Variants in OR2B2 observed in about 807,000 individuals in gnomAD.
OR2B2 encodes olfactory receptor family 2 subfamily B member 2.
For synonymous variants in OR2B2, 137 were observed against 150.9 expected (o/e 0.91, Z 0.67); for missense variants, 362 against 422.4 (o/e 0.86, Z 1.25).
rs768249223 is a variant in OR2B2 at position 27,911,911 on chromosome 6, G to A, written c.409C>T (p.His137Tyr). The A allele has an allele frequency of 1.2e-6, 2 of 1,614,160 alleles. No homozygotes were observed. Among genetic ancestry groups the A allele is most frequent in the Non-Finnish European group, 1.7e-6 (2 of 1,180,020 alleles). Residue 137 changes from histidine to tyrosine, a missense_variant, in exon 1 of 1, where the codon CAC (histidine) becomes TAC (tyrosine). Physicochemically the swap from His to Tyr is moderately conservative, Grantham distance 83. Transcript: ENST00000303324. ...CRPLHYSIIM[H>Y]QRLCFQLAAA... is the part of the protein sequence containing the mutation. ...GCCAACTGGAAGCAGAGCCTCTGGT[G>A]CATGATAATTGAGTAATGGAGAGGC...
Position 27,912,127 on chromosome 6 carries a change from T to G in OR2B2, c.193A>C (p.Asn65His), listed in dbSNP as rs781644838. 2.5e-6 allele frequency: 4 copies of G among 1,613,974 alleles called. No homozygotes were observed. Among genetic ancestry groups the G allele is most frequent in the Admixed American group, 1.7e-5 (1 of 59,978 alleles). Residue 65 changes from asparagine (N) to histidine (H), a missense_variant, in exon 1 of 1, where the codon AAT becomes CAT. Asn to His is a moderately conservative substitution (Grantham distance 68, BLOSUM62 1). Coordinates refer to ENST00000303324, the MANE Select transcript of OR2B2 (RefSeq NM_033057.2). ...LHTPMYFFLS[N>H]LSLLDLCYTT... Reference sequence around the variant, plus strand: ...TAGCAAAGGTCCAGGAGTGAGAGATTGCTAAGAAAAAAGTACATAGGGGTG... The same window carrying G: ...TAGCAAAGGTCCAGGAGTGAGAGATGGCTAAGAAAAAAGTACATAGGGGTG...
chr6:27,911,527 G>T lies in OR2B2; in HGVS notation c.793C>A (p.Pro265Thr). The T allele has an allele frequency of 6.2e-7, 1 of 1,614,130 alleles. No homozygotes were observed. Among genetic ancestry groups the T allele is most frequent in the Non-Finnish European group, 8.5e-7 (1 of 1,180,022 alleles). ...ATCTTTCCCCGGTCTTTGGAGCTGG[G>T]TGAAGGTGGTTGCAGGTACATGGAG... ...AISMYLQPPSPSSKDRGKMVS... is the reference protein window; with the variant it reads ...AISMYLQPPSTSSKDRGKMVS... Residue 265 changes from proline to threonine, a missense_variant, in exon 1 of 1, where the codon CCC becomes ACC. Pro to Thr is a conservative substitution (Grantham distance 38). Coordinates refer to ENST00000303324, the MANE Select transcript of OR2B2 (RefSeq NM_033057.2).
At position 27,911,964 on chromosome 6, in the gene OR2B2, C is replaced by G. The variant is rs777658642; in HGVS notation, c.356G>C (p.Cys119Ser). The change falls in exon 1 of 1, where the codon TGC (cysteine) becomes TCC (serine). Residue 119 changes from cysteine to serine, a missense_variant. Coordinates refer to ENST00000303324, the MANE Select transcript of OR2B2 (RefSeq NM_033057.2). ...STECLLLAVMCFDRFVAICRP... is the reference protein window; with the variant it reads ...STECLLLAVMSFDRFVAICRP... ...ACAAATAGCTACAAACCTATCAAAG[C>G]ACATGACGGCCAGGAGAAGACATTC... is the stretch of plus-strand genomic sequence containing the variant. 2 of 1,614,076 alleles carry G rather than the reference C, an allele frequency of 1.2e-6. No individual in the cohort carries two copies. Among genetic ancestry groups the G allele is most frequent in the Admixed American group, 3.3e-5 (2 of 60,000 alleles).
At position 27,912,250 on chromosome 6, in the gene OR2B2, C is replaced by G. The variant is rs1236325147; in HGVS notation, c.70G>C (p.Glu24Gln). 6.2e-7 allele frequency: 1 copy of G among 1,614,054 alleles called. No individual in the cohort carries two copies. The highest frequency in any genetic ancestry group is 1.1e-5 in the South Asian group (1 of 91,072). ...AGAAACATCACAAAGGGTGGAATCT[C>G]TAGCCATGGTTGATCTGAGAAAACT... ...LLVFSDQPWL[E>Q]IPPFVMFLFS... is the part of the protein sequence containing the mutation. Residue 24 changes from glutamate to glutamine, a missense_variant, in exon 1 of 1, where the codon GAG becomes CAG. By Grantham distance (29) the Glu-to-Gln change is conservative (BLOSUM62 2). Coordinates refer to ENST00000303324, the MANE Select transcript of OR2B2 (RefSeq NM_033057.2).
Position 27,911,600 on chromosome 6 carries a change from T to C in OR2B2, c.720A>G (p.Thr240=). 1.2e-6 allele frequency: 2 copies of C among 1,614,198 alleles called. No individual in the cohort carries two copies. The highest frequency in any genetic ancestry group is 1.7e-6 in the Non-Finnish European group (2 of 1,180,038). ...ACACCACAATTAGATGGGAGCCACATGTCCCAAATGCCTTTCGTTGACCTT... is the reference window on the plus strand; with the variant it reads ...ACACCACAATTAGATGGGAGCCACACGTCCCAAATGCCTTTCGTTGACCTT... The part of the protein sequence containing the change: ...SAEGQRKAFG[T]CGSHLIVVSL... The change falls in exon 1 of 1, where the codon ACA becomes ACG. Residue 240 remains threonine (T), a synonymous_variant. Coordinates refer to ENST00000303324, the MANE Select transcript of OR2B2 (RefSeq NM_033057.2).
chr6:27,911,616 C>T lies in OR2B2; in HGVS notation c.704G>A (p.Arg235Gln), dbSNP rs371031773. 8.7e-6 allele frequency: 14 copies of T among 1,614,028 alleles called. No individual in the cohort carries two copies. Among genetic ancestry groups the T allele is most frequent in the East Asian group, 4.5e-5 (2 of 44,898 alleles). The change falls in exon 1 of 1, where the codon CGA (arginine) becomes CAA (glutamine). Residue 235 changes from arginine to glutamine, a missense_variant. Physicochemically the swap from Arg to Gln is conservative, Grantham distance 43 (BLOSUM62 1). Transcript: ENST00000303324. ...GGAGCCACATGTCCCAAATGCCTTTCGTTGACCTTCAGCAGACTGGATTCT... is the reference window on the plus strand; with the variant it reads ...GGAGCCACATGTCCCAAATGCCTTTTGTTGACCTTCAGCAGACTGGATTCT... ...VLRIQSAEGQ[R>Q]KAFGTCGSHL...
chr6:27,912,156 A>T lies in OR2B2; in HGVS notation c.164T>A (p.Leu55His). The change falls in exon 1 of 1, where the codon CTC becomes CAC. Residue 55 changes from leucine to histidine, a missense_variant. Leu to His is a moderately conservative substitution (Grantham distance 99). Transcript: ENST00000303324. ...IILVSHVDFKLHTPMYFFLSN... is the reference protein window; with the variant it reads ...IILVSHVDFKHHTPMYFFLSN... ...AAGAAAAAAGTACATAGGGGTGTGG[A>T]GTTTGAAATCCACATGTGACACAAG... 2 of 1,614,240 alleles carry T rather than the reference A, an allele frequency of 1.2e-6. No homozygotes were observed. The highest frequency in any genetic ancestry group is 1.7e-6 in the Non-Finnish European group (2 of 1,180,052).
Position 27,912,288 on chromosome 6 carries a change from T to A in OR2B2, c.32A>T (p.Glu11Val), listed in dbSNP as rs1358605178. The change falls in exon 1 of 1, where the codon GAG becomes GTG. Residue 11 changes from glutamate to valine, a missense_variant. Coordinates refer to ENST00000303324, the MANE Select transcript of OR2B2 (RefSeq NM_033057.2). MNWVNKSVPQ[E>V]FILLVFSDQP... ...ATCTGAGAAAACTAACAGAATGAAC[T>A]CCTGTGGGACACTCTTATTTACCCA... The A allele has an allele frequency of 1.2e-6, 2 of 1,610,698 alleles. No individual in the cohort carries two copies. Among genetic ancestry groups the A allele is most frequent in the South Asian group, 2.2e-5 (2 of 90,574 alleles).
In OR2B2 at chr6:27,912,351, T is replaced by TGG; in HGVS notation, c.-33_-32insCC. 7.3e-7 allele frequency: 1 copy of TGG among 1,372,252 alleles called. No individual in the cohort carries two copies. The allele number at this position is 1,372,252 out of a possible 1,614,324, so 85.0% of individuals were successfully genotyped here. ...TGGTTCAACTCTTCGTTCTCTGAAA[T>TGG]ATAAGAAGTCAGGAAGTTAACAACA... On this transcript the variant is annotated 5_prime_UTR_variant, in exon 1 of 1. Transcript: ENST00000303324.
In OR2B2 at chr6:27,912,063, C is replaced by A. The variant is rs760680555; in HGVS notation, c.257G>T (p.Cys86Phe). The change falls in exon 1 of 1, where the codon TGC becomes TTC. Residue 86 changes from cysteine (C) to phenylalanine (F), a missense_variant. Physicochemically the swap from Cys to Phe is radical, Grantham distance 205. Coordinates refer to ENST00000303324, the MANE Select transcript of OR2B2 (RefSeq NM_033057.2). The part of the protein sequence containing the change: ...STVPQMLVNI[C>F]NTRKVISYGG... ...ATAACTGATTACTTTCCTGGTGTTG[C>A]ATATGTTTACCAGCATTTGTGGAAC... The A allele has an allele frequency of 1.4e-5, 22 of 1,614,060 alleles. No individual in the cohort carries two copies. The highest frequency in any genetic ancestry group is 1.9e-5 in the Non-Finnish European group (22 of 1,180,044).
rs762625758 is a variant in OR2B2, at chr6:27,911,887, C to T, written c.433G>A (p.Ala145Thr). The stretch of plus-strand genomic sequence containing the variant: ...AAGCCACTAATCCAGGATGCAGCTG[C>T]CAACTGGAAGCAGAGCCTCTGGTGC... ...IMHQRLCFQL[A>T]AASWISGFSN... The change falls in exon 1 of 1, where the codon GCA becomes ACA. Residue 145 changes from alanine to threonine, a missense_variant. Physicochemically the swap from Ala to Thr is moderately conservative, Grantham distance 58. Transcript: ENST00000303324. 4 of 1,614,074 alleles carry T rather than the reference C, an allele frequency of 2.5e-6. No homozygotes were observed. The highest frequency in any genetic ancestry group is 2.5e-6 in the Non-Finnish European group (3 of 1,180,000).
Position 27,911,858 on chromosome 6 carries a change from G to GC in OR2B2, c.461dup (p.Ser154ArgfsTer12). On this transcript the variant is annotated frameshift_variant, in exon 1 of 1. Transcript: ENST00000303324. LOFTEE classifies it low-confidence loss of function (END_TRUNC). ...TCCAGGTGGACTGTAATACTGAATT[G>GC]CTAAAGCCACTAATCCAGGATGCAG... is the stretch of plus-strand genomic sequence containing the variant. 6.2e-7 allele frequency: 1 copy of GC among 1,614,182 alleles called. No homozygotes were observed. The highest frequency in any genetic ancestry group is 8.5e-7 in the Non-Finnish European group (1 of 1,180,026).
chr6:27,911,667 T>A lies in OR2B2; in HGVS notation c.653A>T (p.Tyr218Phe), dbSNP rs1232291905. 1.9e-6 allele frequency: 3 copies of A among 1,614,086 alleles called. No homozygotes were observed. The highest frequency in any genetic ancestry group is 2.5e-6 in the Non-Finnish European group (3 of 1,180,000). The change falls in exon 1 of 1, where the codon TAT becomes TTT. Residue 218 changes from tyrosine to phenylalanine, a missense_variant. Transcript: ENST00000303324. ...CAACACTGCTTGGACAATAAAAGCATACGATATAAGGATGAGTGTCACGGG... is the reference window on the plus strand; with the variant it reads ...CAACACTGCTTGGACAATAAAAGCAAACGATATAAGGATGAGTGTCACGGG... ...LIPVTLILISYAFIVQAVLRI... is the reference protein window; with the variant it reads ...LIPVTLILISFAFIVQAVLRI...
chr6:27,911,199 T>A lies in OR2B2; in HGVS notation c.*47A>T. 8.1e-7 allele frequency: 1 copy of A among 1,231,894 alleles called. No homozygotes were observed. The highest frequency in any genetic ancestry group is 1.1e-6 in the Non-Finnish European group (1 of 874,676). 76.3% of individuals were successfully genotyped at this position (1,231,894 alleles called of 1,614,324 possible). A position where few individuals can be genotyped will look rare whatever the true frequency, so the allele number is the denominator to read the frequency against. ...GCATTGGAAGGCCAATTCTGGGGGCTTGTTCAATGAAAATGTTTAGGCAAC... is the reference window on the plus strand; with the variant it reads ...GCATTGGAAGGCCAATTCTGGGGGCATGTTCAATGAAAATGTTTAGGCAAC... On this transcript the variant is annotated 3_prime_UTR_variant, in exon 1 of 1. Transcript: ENST00000303324.
chr6:27,911,418 A>C lies in OR2B2; in HGVS notation c.902T>G (p.Phe301Cys). 1 of 1,614,080 alleles carries C rather than the reference A, an allele frequency of 6.2e-7. No individual in the cohort carries two copies. The highest frequency in any genetic ancestry group is 1.6e-4 in the Middle Eastern group (1 of 6,062). Reference protein sequence around the residue: ...TLRNKEVKEAFKRLVAKSLLN... With the variant: ...TLRNKEVKEACKRLVAKSLLN... ...AAGACTCTTTGCAACCAACCTTTTAAAGGCTTCCTTTACCTCTTTGTTCCT... is the reference window on the plus strand; with the variant it reads ...AAGACTCTTTGCAACCAACCTTTTACAGGCTTCCTTTACCTCTTTGTTCCT... The change falls in exon 1 of 1, where the codon TTT (phenylalanine) becomes TGT (cysteine). Residue 301 changes from phenylalanine (F) to cysteine (C), a missense_variant. Phe to Cys is a radical substitution (Grantham distance 205, BLOSUM62 -2). Transcript: ENST00000303324.
In OR2B2 at chr6:27,911,779, CT is replaced by C; in HGVS notation, c.540del (p.Val181SerfsTer28). ...CAGGACAACTTGAGCAGAGCAGGGA[CT>C]TCACAGAAGAAGTGATCCACTTCTT... is the stretch of plus-strand genomic sequence containing the variant. ...GHKEVDHFFC[E>X]VPALLKLSCV... On this transcript the variant is annotated frameshift_variant, in exon 1 of 1. Transcript: ENST00000303324. LOFTEE classifies it low-confidence loss of function (END_TRUNC). The C allele has an allele frequency of 6.2e-7, 1 of 1,613,968 alleles. No individual in the cohort carries two copies. Among genetic ancestry groups the C allele is most frequent in the Non-Finnish European group, 8.5e-7 (1 of 1,179,926 alleles).
rs2113601816 is a variant in OR2B2 at position 27,911,280 on chromosome 6, T to C, written c.1040A>G (p.Asn347Ser). 3 of 1,582,660 alleles carry C rather than the reference T, an allele frequency of 1.9e-6. No individual in the cohort carries two copies. The highest frequency in any genetic ancestry group is 8.6e-7 in the Non-Finnish European group (1 of 1,168,130). Reference protein sequence around the residue: ...SCPIFVITIENYCNLPQRKFP With the variant: ...SCPIFVITIESYCNLPQRKFP ...TTTTCTTTGAGGGAGATTACAATAG[T>C]TTTCTATAGTAATGACAAAAATAGG... Residue 347 changes from asparagine (N) to serine (S), a missense_variant, in exon 1 of 1, where the codon AAC becomes AGC. Coordinates refer to ENST00000303324, the MANE Select transcript of OR2B2 (RefSeq NM_033057.2).
In OR2B2 at chr6:27,911,564, A is replaced by G. The variant is rs1762197032; in HGVS notation, c.756T>C (p.Tyr252=). 4.3e-6 allele frequency: 7 copies of G among 1,614,054 alleles called. No individual in the cohort carries two copies. Among genetic ancestry groups the G allele is most frequent in the Non-Finnish European group, 5.9e-6 (7 of 1,179,976 alleles). ...GSHLIVVSLF[Y]GTAISMYLQP... Reference sequence around the variant, plus strand: ...GCAGGTACATGGAGATAGCTGTACCATAAAAAAGTGACACCACAATTAGAT... The same window carrying G: ...GCAGGTACATGGAGATAGCTGTACCGTAAAAAAGTGACACCACAATTAGAT... The change falls in exon 1 of 1, where the codon TAT becomes TAC. Residue 252 remains tyrosine (Y), a synonymous_variant. Coordinates refer to ENST00000303324, the MANE Select transcript of OR2B2 (RefSeq NM_033057.2).
rs201539002 is a variant in OR2B2, at chr6:27,911,937, C to T, written c.383G>A (p.Arg128Gln). The T allele has an allele frequency of 6.6e-5, 107 of 1,613,916 alleles. No homozygotes were observed. The highest frequency in any genetic ancestry group is 1.7e-4 in the African/African-American group (13 of 74,876). ...CATGATAATTGAGTAATGGAGAGGC[C>T]GACAAATAGCTACAAACCTATCAAA... ...MCFDRFVAICRPLHYSIIMHQ... is the reference protein window; with the variant it reads ...MCFDRFVAICQPLHYSIIMHQ... Residue 128 changes from arginine to glutamine, a missense_variant, in exon 1 of 1, where the codon CGG (arginine) becomes CAG (glutamine). Transcript: ENST00000303324.
Sources: gnomAD v4.1 joint callset for allele counts on GRCh38, gnomAD v4.1.1 for gene constraint, MANE v1.5 for transcripts, NCBI Gene and HGNC (gene_info 2026-07-23, HGNC 2026-07-21) for gene names.